DLG2: variants seen among roughly 807,000 people sequenced by gnomAD.
DLG2 encodes the protein discs large MAGUK scaffold protein 2, also known as disks large homolog 2.
A neutral mutation model predicts 132.5 loss-of-function variants in DLG2; 45 were observed. That is an observed-to-expected ratio of 0.34 (90% CI 0.27 to 0.44). The LOEUF (loss-of-function observed/expected upper bound fraction) is 0.44. Among genes scored for constraint, DLG2 ranks in the 20% least tolerant of loss-of-function variants. DLG2 has a pLI of 1.00. For synonymous variants in DLG2, 424 were observed against 419.6 expected, an observed-to-expected ratio of 1.01 and a Z score of -0.13; for missense variants, 1,045 against 1,196.9, an observed-to-expected ratio of 0.87 and a Z score of 1.87.
chr11:85,041,907 G>A (rs898885281), intron 6 of DLG2, among the ~76,000 whole-genome samples: 1 of 151,888 alleles, frequency 6.6e-6, no homozygotes, highest in Non-Finnish European at 1.5e-5. Context: ...ACACAGAGTG[G>A]TATAATGAAC....
chr11:83,588,412 C>A (rs1171246026), intron 19 of DLG2, among the ~76,000 whole-genome samples: 1 of 152,052 alleles, frequency 6.6e-6, no homozygotes, highest in African/African-American at 2.4e-5. Context: ...AACAGACCTG[C>A]AGCTGAGGGT....
At chr11:83,541,321 T>C (rs2096061834) in intron 20 of DLG2, among the ~76,000 whole-genome samples, 1 of 152,156 alleles carries the variant, frequency 6.6e-6, no homozygotes, top group Non-Finnish European at 1.5e-5. Context: ...TTCTATAACA[T>C]TCATTGGTAA....
At chr11:84,897,088 T>C (rs2090298622) in intron 6 of DLG2, among the ~76,000 whole-genome samples, 1 of 151,884 alleles carries the variant, frequency 6.6e-6, no homozygotes, top group Admixed American at 6.6e-5. Flanking sequence ...TCACACTCCT[T>C]CACCCCACAA....
chr11:84,350,979 G>A (rs1235179319), intron 7 of DLG2, among the ~76,000 whole-genome samples: 2 of 152,092 alleles, frequency 1.3e-5, no homozygotes. Context: ...AGAGAGTCAT[G>A]GTTTGGCATC....
intron 3 of DLG2, among the ~76,000 whole-genome samples, chr11:85,303,382 AATG>A (rs1164865824): frequency 6.6e-6 from 1 of 152,214 alleles, no homozygotes; most frequent in Non-Finnish European, 1.5e-5. Context: ...GACCATGAGA[AATG>A]ATGATAATAA....
intron 17 of DLG2, among the ~76,000 whole-genome samples, chr11:83,789,331 G>A (rs2040866743): frequency 8.8e-6 from 1 of 113,918 alleles, no homozygotes; most frequent in African/African-American, 3.4e-5. Flanking sequence ...TTTCCATTCT[G>A]TTTAATGCAT....
chr11:85,316,392 G>C (rs912410146), intron 3 of DLG2, among the ~76,000 whole-genome samples: 1 of 151,932 alleles, frequency 6.6e-6, no homozygotes, highest in Non-Finnish European at 1.5e-5. Flanking sequence ...AGAAAGACAA[G>C]ACTTATATTT....
intron 8 of DLG2, among the ~76,000 whole-genome samples, chr11:84,183,257 A>G (rs1416066826): frequency 1.3e-5 from 2 of 152,204 alleles, no homozygotes; most frequent in Non-Finnish European, 2.9e-5. Context: ...AACTCATAAA[A>G]TGTTCAAGAA....
At chr11:84,237,572 T>C (rs2154340553) in intron 8 of DLG2, among the ~76,000 whole-genome samples, 1 of 152,308 alleles carries the variant, frequency 6.6e-6, no homozygotes, top group East Asian at 1.9e-4. Flanking sequence ...GAAATTAGGA[T>C]AATCAAAATG....
chr11:83,842,119 T>C (rs1161607238), intron 16 of DLG2, among the ~76,000 whole-genome samples: 2 of 152,234 alleles, frequency 1.3e-5, no homozygotes, highest in African/African-American at 4.8e-5. Flanking sequence ...CTTTGGATGC[T>C]GAGCGAATGG....
chr11:84,098,127 G>T (rs2097192553), intron 10 of DLG2, among the ~76,000 whole-genome samples: 1 of 149,444 alleles, frequency 6.7e-6, no homozygotes, highest in Non-Finnish European at 1.5e-5. Flanking sequence ...CAGTTCACTG[G>T]GATCAAGTTC....
At chr11:83,941,121 T>C (rs1208219010) in intron 14 of DLG2, among the ~76,000 whole-genome samples, 1 of 152,214 alleles carries the variant, frequency 6.6e-6, no homozygotes, top group Non-Finnish European at 1.5e-5. Flanking sequence ...TTTGGAAACA[T>C]AACAAATAAT....
intron 3 of DLG2, among the ~76,000 whole-genome samples, chr11:85,416,720 C>A (rs1249025889): frequency 2.6e-5 from 4 of 152,120 alleles, no homozygotes; most frequent in Non-Finnish European, 5.9e-5. Context: ...AATGGGAGTT[C>A]ACTCATGATT....
chr11:84,014,970 C>A (rs368765286), intron 11 of DLG2, among the ~76,000 whole-genome samples: 8 of 151,972 alleles, frequency 5.3e-5, no homozygotes, highest in Admixed American at 3.9e-4. Flanking sequence ...TGAATACATA[C>A]GTAATTTGGT....
At chr11:84,010,404 T>C (rs2094823031) in intron 11 of DLG2, among the ~76,000 whole-genome samples, 1 of 152,010 alleles carries the variant, frequency 6.6e-6, no homozygotes, top group Admixed American at 6.6e-5. Flanking sequence ...GCAATCTTCC[T>C]GCCTCAGCCT....
chr11:84,218,199 A>AAAGG (rs1219367425), intron 8 of DLG2, among the ~76,000 whole-genome samples: 8 of 150,024 alleles, frequency 5.3e-5, no homozygotes, highest in African/African-American at 1.7e-4. Context: ...ACAAAGAAGG[A>AAAGG]AAGGAAGGAA....
chr11:84,184,104 C>T (rs907993538), intron 8 of DLG2, among the ~76,000 whole-genome samples: 1 of 152,172 alleles, frequency 6.6e-6, no homozygotes, highest in African/African-American at 2.4e-5. Flanking sequence ...AATGGGATGG[C>T]TGGGTCAAAT....
At chr11:84,806,915 A>C (rs2076060553) in intron 6 of DLG2, among the ~76,000 whole-genome samples, 1 of 152,146 alleles carries the variant, frequency 6.6e-6, no homozygotes, top group Non-Finnish European at 1.5e-5. Flanking sequence ...ATATAAATGA[A>C]AATAAGGTTT....
chr11:84,976,227 C>T (rs970964055), intron 6 of DLG2, among the ~76,000 whole-genome samples: 2 of 152,012 alleles, frequency 1.3e-5, no homozygotes, highest in Non-Finnish European at 2.9e-5. Flanking sequence ...ACATGGTATA[C>T]AATGGGAAGT....
Sources: gnomAD v4.1 joint callset for allele counts (sites outside exome capture counted in the v4.1 genomes callset) on GRCh38, gnomAD v4.1.1 for gene constraint, MANE v1.5 for transcripts, NCBI Gene and HGNC (gene_info 2026-07-23, HGNC 2026-07-21) for gene names.